LGMN: variants seen among roughly 807,000 people sequenced by gnomAD.
The protein encoded by LGMN is legumain.
In LGMN, 36 loss-of-function variants were observed where a neutral mutation model predicts 56.8. The observed-to-expected ratio is 0.63, with a 90% CI of 0.49 to 0.84. The LOEUF (loss-of-function observed/expected upper bound fraction) is 0.84, where lower values mean the gene tolerates loss of function less well. Among genes scored for constraint, LGMN ranks in the 40% least tolerant of loss-of-function variants. LGMN has a pLI of 0.00. For missense variants in LGMN, 446 were observed against 556.1 expected (o/e 0.80, Z 1.99); for synonymous variants, 199 against 210.1 (o/e 0.95, Z 0.46).
intron 2 of LGMN, 55 bp downstream of exon 2, chr14:92,732,594 A>C (rs1045885804): frequency 6.3e-7 from 1 of 1,586,422 alleles, no homozygotes; most frequent in African/African-American, 1.4e-5. Flanking sequence ...AGTGTCTGGA[A>C]TTGTTTTCAG....
chr14:92,743,965 C>A lies in LGMN; in HGVS notation c.-30+4524G>T, dbSNP rs111766228. 2.5e-3 allele frequency among the ~76,000 whole-genome samples: 382 copies of A among 151,600 alleles called. 3 individuals carry two copies. Among genetic ancestry groups the A allele is most frequent in the African/African-American group, 9.1e-3 (374 of 41,298 alleles). On this transcript the variant is annotated intron_variant, in intron 1 of 13. Coordinates refer to ENST00000334869, the MANE Select transcript of LGMN (RefSeq NM_005606.7). ...GGTCAAGAGATCAATACCATCCTGGCGAACATGGTGAAACCCCGTCTCTAC... is the reference window on the plus strand; with the variant it reads ...GGTCAAGAGATCAATACCATCCTGGAGAACATGGTGAAACCCCGTCTCTAC...
At chr14:92,725,734 C>T (rs1376895821) in intron 2 of LGMN, among the ~76,000 whole-genome samples, 1 of 151,740 alleles carries the variant, frequency 6.6e-6, no homozygotes, top group East Asian at 2.0e-4. Flanking sequence ...TGCCACCATG[C>T]CCGGCTAATT....
intron 1 of LGMN, 124 bp downstream of exon 1, chr14:92,748,365 C>G (rs1353139257): frequency 6.6e-6 from 1 of 152,408 alleles, no homozygotes; most frequent in African/African-American, 2.4e-5. Context: ...AAACTGATTA[C>G]TCAGAAAGGG....
chr14:92,726,035 G>A (rs1890723421), intron 2 of LGMN, among the ~76,000 whole-genome samples: 2 of 151,564 alleles, frequency 1.3e-5, no homozygotes, highest in East Asian at 2.0e-4. Context: ...TCAGGAGATC[G>A]AGACCAGTCT....
chr14:92,742,735 G>A (rs1019728474), intron 1 of LGMN, among the ~76,000 whole-genome samples: 3 of 152,152 alleles, frequency 2.0e-5, no homozygotes, highest in African/African-American at 4.8e-5. Context: ...GTGTCAAACA[G>A]AAAAAAATTT....
chr14:92,743,922 G>A (rs115686011), intron 1 of LGMN, among the ~76,000 whole-genome samples: 2,207 of 152,204 alleles, frequency 0.015, 56 homozygotes, highest in African/African-American at 0.051. Flanking sequence ...TGGAAAGGTT[G>A]AGGTGGGCGG....
chr14:92,715,214 G>GGTGTGTGTGTGTGT (rs145432785), intron 5 of LGMN, among the ~76,000 whole-genome samples: 49 of 149,034 alleles, frequency 3.3e-4, no homozygotes, highest in African/African-American at 1.2e-3. Flanking sequence ...GGTCAGGGTG[G>GGTGTGTGTGTGTGT]GTGTGTGTGT....
intron 2 of LGMN, among the ~76,000 whole-genome samples, chr14:92,727,165 T>C (rs1890781625): frequency 7.3e-6 from 1 of 137,208 alleles, no homozygotes; most frequent in South Asian, 2.4e-4. Context: ...GCACAGTGGC[T>C]CACGCCTGTA....
chr14:92,714,166 C>T lies in LGMN; in HGVS notation c.480+210G>A, dbSNP rs1317442428. Among the ~76,000 whole-genome samples the T allele has an allele frequency of 6.6e-6, 1 of 152,164 alleles. No individual in the cohort carries two copies. Among genetic ancestry groups the T allele is most frequent in the Non-Finnish European group, 1.5e-5 (1 of 68,032 alleles). On this transcript the variant is annotated intron_variant, in intron 6 of 13. Transcript: ENST00000334869. This position sits in a 1 kb window ranked among gnomAD's most constrained non-coding sequence, Gnocchi z 5.1. ...CATCCTGAGACAGCTACCGACGCTGCGACATGAACAGAAAAGCAGGGAAAA... is the reference window on the plus strand; with the variant it reads ...CATCCTGAGACAGCTACCGACGCTGTGACATGAACAGAAAAGCAGGGAAAA...
In LGMN at chr14:92,709,717, C is replaced by T; in HGVS notation, c.975G>A (p.Leu325=). 6.2e-7 allele frequency: 1 copy of T among 1,613,970 alleles called. No individual in the cohort carries two copies. The highest frequency in any genetic ancestry group is 8.5e-7 in the Non-Finnish European group (1 of 1,179,934). ...MKRKLMNTND[L]EESRQLTEEI... ...CCTCCGTGAGCTGCCTGGACTCCTC[C>T]AGATCATTGGTGTTCATCAGTTTCC... The change falls in exon 11 of 14, where the codon CTG becomes CTA. Residue 325 remains leucine (L), a synonymous_variant. Transcript: ENST00000334869.
intron 7 of LGMN, 81 bp from the exon 8 acceptor site, chr14:92,712,952 C>A: frequency 7.8e-7 from 1 of 1,280,828 alleles, no homozygotes; most frequent in Non-Finnish European, 1.1e-6. Flanking sequence ...TGCCCACTCT[C>A]TCTACCCATT....
At position 92,703,909 on chromosome 14, in the gene LGMN, C is replaced by T; in HGVS notation, c.*410G>A. On this transcript the variant is annotated 3_prime_UTR_variant, in exon 14 of 14. Transcript: ENST00000334869. ...CATCATATTTTCTAAAAACAGTTTT[C>T]CATTTGGGGCTTGCGGCCCTCTTCA... The T allele has an allele frequency of 2.0e-6, 1 of 492,252 alleles. No individual in the cohort carries two copies. Among genetic ancestry groups the T allele is most frequent in the South Asian group, 2.4e-5 (1 of 42,420 alleles). The allele number at this position is 492,252 out of a possible 1,614,324, so 30.5% of individuals were successfully genotyped here.
rs1889966552 is a variant in LGMN at position 92,714,554 on chromosome 14, G to A, written c.405-103C>T. ...AAAAAATTAAGAAGTTTGGGGAGTA[G>A]AGTTGCCCAACCAGGTTTGAAGATG... On this transcript the variant is annotated intron_variant, in intron 5 of 13. Coordinates refer to ENST00000334869, the MANE Select transcript of LGMN (RefSeq NM_005606.7). This position sits in a 1 kb window ranked among gnomAD's most constrained non-coding sequence, Gnocchi z 5.1. 1 of 813,924 alleles carries A rather than the reference G, an allele frequency of 1.2e-6. No homozygotes were observed. The highest frequency in any genetic ancestry group is 2.0e-6 in the Non-Finnish European group (1 of 505,018). The allele number at this position is 813,924 out of a possible 1,614,324, so 50.4% of individuals were successfully genotyped here. A position where few individuals can be genotyped will look rare whatever the true frequency, so the allele number is the denominator to read the frequency against.
In LGMN at chr14:92,704,209, C is replaced by A; in HGVS notation, c.*110G>T. 6.9e-7 allele frequency: 1 copy of A among 1,440,264 alleles called. No homozygotes were observed. The highest frequency in any genetic ancestry group is 9.8e-7 in the Non-Finnish European group (1 of 1,022,652). The allele number at this position is 1,440,264 out of a possible 1,614,324, so 89.2% of individuals were successfully genotyped here. On this transcript the variant is annotated 3_prime_UTR_variant, in exon 14 of 14. Coordinates refer to ENST00000334869, the MANE Select transcript of LGMN (RefSeq NM_005606.7). The stretch of plus-strand genomic sequence containing the variant: ...TGGAGCGAGCCCTGGAGCGGGGGCT[C>A]CCCAGGAGGGCCCGAGCAGCGGAGA...
At chr14:92,710,774 C>T (rs1419537631) in intron 10 of LGMN, among the ~76,000 whole-genome samples, 21 of 152,182 alleles carry the variant, frequency 1.4e-4, no homozygotes, top group Non-Finnish European at 2.9e-5. Context: ...CACCACTGAC[C>T]CTGCCTTCTC....
chr14:92,712,037 C>T, intron 8 of LGMN, 82 bp from the exon 9 acceptor site: 1 of 1,094,616 alleles, frequency 9.1e-7, no homozygotes, highest in Non-Finnish European at 1.4e-6. Flanking sequence ...CTTCTTTCTC[C>T]CCCGGTGAAA....
Position 92,716,145 on chromosome 14 carries a change from A to T in LGMN, c.395T>A (p.Val132Asp). 2.5e-6 allele frequency: 4 copies of T among 1,610,326 alleles called. No individual in the cohort carries two copies. The highest frequency in any genetic ancestry group is 3.4e-6 in the Non-Finnish European group (4 of 1,177,374). ...CGTAAACAGACATTACCTCTTCAGG[A>T]CTTTGCCGGATCCTATGCCCTTCAC... is the stretch of plus-strand genomic sequence containing the variant. ...EAVKGIGSGK[V>D]LKSGPQDHVF... The change falls in exon 5 of 14, where the codon GTC becomes GAC. Residue 132 changes from valine (V) to aspartate (D), a missense_variant. Physicochemically the swap from Val to Asp is radical, Grantham distance 152. Coordinates refer to ENST00000334869, the MANE Select transcript of LGMN (RefSeq NM_005606.7).
At chr14:92,741,998 G>T (rs1891576675) in intron 1 of LGMN, 1 of 152,164 alleles carries the variant, frequency 6.6e-6, no homozygotes, top group Non-Finnish European at 1.5e-5. Context: ...CAAGGCCTTG[G>T]TCTGCCAGGT....
intron 1 of LGMN, chr14:92,742,976 G>T (rs1207662097): frequency 6.6e-6 from 1 of 150,734 alleles, no homozygotes; most frequent in African/African-American, 2.4e-5. Flanking sequence ...CAAGGCTATA[G>T]TGAACCATCC....
Sources: gnomAD v4.1 joint callset for allele counts (sites outside exome capture counted in the v4.1 genomes callset) on GRCh38, gnomAD v4.1.1 for gene constraint, Gnocchi (gnomAD v3.1) non-coding constraint, MANE v1.5 for transcripts, NCBI Gene and HGNC (gene_info 2026-07-23, HGNC 2026-07-21) for gene names.